Variants in POT1 observed in about 807,000 individuals in gnomAD.
The protein encoded by POT1 is protection of telomeres 1.
In POT1, 47 loss-of-function variants were observed where a neutral mutation model predicts 78.5. That is an observed-to-expected ratio of 0.60 (90% confidence interval 0.47 to 0.76). The LOEUF (loss-of-function observed/expected upper bound fraction) is 0.76. POT1 is among the 30% of genes least tolerant of loss of function. The pLI is 0.00. For missense variants in POT1, 646 were observed against 749.9 expected, an observed-to-expected ratio of 0.86 and a Z score of 1.62; for synonymous variants, 259 against 260.7, an observed-to-expected ratio of 0.99 and a Z score of 0.06.
At chr7:124,846,422 T>C (rs1440565265) in intron 12 of POT1, among the ~76,000 whole-genome samples, 5 of 152,124 alleles carry the variant, frequency 3.3e-5, no homozygotes, top group African/African-American at 1.2e-4. Flanking sequence ...TGGTTAAAAA[T>C]ATTTTTCTGA....
intron 6 of POT1, among the ~76,000 whole-genome samples, chr7:124,888,001 C>T (rs4319000): frequency 0.62 from 94,128 of 151,902 alleles, 29,493 homozygotes; most frequent in African/African-American, 0.71. Context: ...TATATATACA[C>T]CTCTGTATCA....
chr7:124,877,558 C>T (rs117096264), intron 6 of POT1, among the ~76,000 whole-genome samples: 2,747 of 151,766 alleles, frequency 0.018, 44 homozygotes, highest in Non-Finnish European at 0.027. Context: ...AGTAATCAAC[C>T]GGTCGTGGGG....
intron 3 of POT1, among the ~76,000 whole-genome samples, chr7:124,906,148 C>T (rs1173823719): frequency 6.6e-6 from 1 of 152,044 alleles, no homozygotes; most frequent in African/African-American, 2.4e-5. Context: ...GGTATATAGC[C>T]AAAGGATTAT....
At chr7:124,897,085 T>C in intron 5 of POT1, 80 bp downstream of exon 5, 1 of 813,980 alleles carries the variant, frequency 1.2e-6, no homozygotes, top group South Asian at 2.7e-5. Flanking sequence ...GTGGACTGAA[T>C]ATACATACAC....
intron 6 of POT1, among the ~76,000 whole-genome samples, chr7:124,880,015 A>G (rs1416907662): frequency 1.3e-5 from 2 of 152,080 alleles, no homozygotes; most frequent in Non-Finnish European, 1.5e-5. Context: ...CTGGATTCAT[A>G]AGCATATTCC....
intron 7 of POT1, among the ~76,000 whole-genome samples, chr7:124,865,126 T>G (rs1019564011): frequency 2.0e-5 from 3 of 152,174 alleles, no homozygotes; most frequent in Non-Finnish European, 4.4e-5. Flanking sequence ...ATATAAAACT[T>G]ACTTCTTTGT....
chr7:124,871,055 A>C lies in POT1; in HGVS notation c.125-14T>G. 1 of 1,558,138 alleles carries C rather than the reference A, an allele frequency of 6.4e-7. No individual in the cohort carries two copies. Among genetic ancestry groups the C allele is most frequent in the Non-Finnish European group, 8.7e-7 (1 of 1,151,778 alleles). The stretch of plus-strand genomic sequence containing the variant: ...CTGAGCAATAATCTGGAAAACACAA[A>C]AATATTTTACCTGACTTTCAATATT... On this transcript the variant is annotated splice_polypyrimidine_tract_variant and intron_variant, in intron 6 of 18. Coordinates refer to ENST00000357628, the MANE Select transcript of POT1 (RefSeq NM_015450.3).
At chr7:124,865,774 A>G (rs1795707951) in intron 7 of POT1, among the ~76,000 whole-genome samples, 1 of 151,826 alleles carries the variant, frequency 6.6e-6, no homozygotes. Flanking sequence ...TGGTGTAATA[A>G]TATTTCACTG....
intron 7 of POT1, among the ~76,000 whole-genome samples, chr7:124,865,252 T>C (rs1795692223): frequency 6.6e-6 from 1 of 152,136 alleles, no homozygotes; most frequent in Non-Finnish European, 1.5e-5. Flanking sequence ...TCTCAATGGT[T>C]TCACATTGAG....
At chr7:124,841,700 G>A (rs2116463738) in intron 13 of POT1, among the ~76,000 whole-genome samples, 1 of 152,046 alleles carries the variant, frequency 6.6e-6, no homozygotes, top group Non-Finnish European at 1.5e-5. Flanking sequence ...AAAGGTGTAT[G>A]GCTTTCTTCT....
chr7:124,824,148 C>T (rs1413873223), intron 18 of POT1, 74 bp from the exon 19 acceptor site: 1 of 820,966 alleles, frequency 1.2e-6, no homozygotes, highest in African/African-American at 1.8e-5. Context: ...GGTACCTAAG[C>T]TTACCACTGA....
In POT1 at chr7:124,822,896, A is replaced by T. The variant is rs145430924; in HGVS notation, c.*1066T>A. Reference sequence around the variant, plus strand: ...GAAAAACACACTGACTCCTCTTATAATCTATTTCCAATGTTATTTCAGATG... The same window carrying T: ...GAAAAACACACTGACTCCTCTTATATTCTATTTCCAATGTTATTTCAGATG... On this transcript the variant is annotated 3_prime_UTR_variant, in exon 19 of 19. Transcript: ENST00000357628. 53 of 176,654 alleles carry T rather than the reference A, an allele frequency of 3.0e-4. No homozygotes were observed. The highest frequency in any genetic ancestry group is 1.2e-3 in the African/African-American group (52 of 42,676). 10.9% of individuals were successfully genotyped at this position (176,654 alleles called of 1,614,324 possible). A position where few individuals can be genotyped will look rare whatever the true frequency, so the allele number is the denominator to read the frequency against.
chr7:124,889,524 A>G (rs1224975589), intron 6 of POT1, among the ~76,000 whole-genome samples: 1 of 152,066 alleles, frequency 6.6e-6, no homozygotes, highest in East Asian at 1.9e-4. Flanking sequence ...TAAACCAAAC[A>G]GTCTTCTCTT....
In POT1 at chr7:124,829,293, C is replaced by T. The variant is rs776873207; in HGVS notation, c.1555G>A (p.Val519Ile). The part of the protein sequence containing the change: ...LRSIQNLNSL[V>I]DKTSWIPSSV... ...GAAGGAATCCACGATGTTTTATCAA[C>T]CAGGGAATTTAGATTTTGTATGGAT... The change falls in exon 16 of 19, where the codon GTT becomes ATT. Residue 519 changes from valine (V) to isoleucine (I), a missense_variant. Physicochemically the swap from Val to Ile is conservative, Grantham distance 29. This residue lies in a region of POT1 where 394 missense variants were observed against 408.4 expected (regional missense o/e 0.96). Coordinates refer to ENST00000357628, the MANE Select transcript of POT1 (RefSeq NM_015450.3). 84 of 1,606,106 alleles carry T rather than the reference C, an allele frequency of 5.2e-5. No homozygotes were observed. Among genetic ancestry groups the T allele is most frequent in the Non-Finnish European group, 7.2e-5 (84 of 1,173,166 alleles).
At chr7:124,901,791 T>C (rs1347201091) in intron 3 of POT1, among the ~76,000 whole-genome samples, 2 of 152,124 alleles carry the variant, frequency 1.3e-5, no homozygotes, top group Admixed American at 6.6e-5. Flanking sequence ...GAAAACAGAT[T>C]AGACGAATGG....
At chr7:124,862,227 A>C (rs1284027051) in intron 8 of POT1, among the ~76,000 whole-genome samples, 1 of 152,186 alleles carries the variant, frequency 6.6e-6, no homozygotes, top group Non-Finnish European at 1.5e-5. Flanking sequence ...AGACTCAACT[A>C]TTTCAGCTAA....
chr7:124,899,252 C>A (rs1396669103), intron 3 of POT1, among the ~76,000 whole-genome samples: 1 of 152,158 alleles, frequency 6.6e-6, no homozygotes, highest in Non-Finnish European at 1.5e-5. Context: ...CAGGACTTGG[C>A]ACAAAGCAGG....
In POT1 at chr7:124,870,299, CTTTGTA is replaced by C. The variant is rs916980327; in HGVS notation, c.255+606_255+611del. Among the ~76,000 whole-genome samples the C allele has an allele frequency of 2.6e-4, 40 of 151,716 alleles. No homozygotes were observed. The East Asian group carries it at 3.9e-3, about 15-fold the overall frequency. The stretch of plus-strand genomic sequence containing the variant: ...TAATAATTTTGAGAAAATAATAATC[CTTTGTA>C]TTTGTAAGTTCTAAAATTTTTTTAA... On this transcript the variant is annotated intron_variant, in intron 7 of 18. Coordinates refer to ENST00000357628, the MANE Select transcript of POT1 (RefSeq NM_015450.3).
intron 2 of POT1, among the ~76,000 whole-genome samples, chr7:124,924,645 C>T (rs535039652): frequency 2.0e-5 from 3 of 151,998 alleles, no homozygotes; most frequent in East Asian, 1.9e-4. Context: ...GATATCAAAA[C>T]CAGACAAAGA....
Sources: gnomAD v4.1 joint callset for allele counts (sites outside exome capture counted in the v4.1 genomes callset) on GRCh38, gnomAD v4.1.1 for gene constraint, gnomAD v4.1.1 regional missense constraint, MANE v1.5 for transcripts, NCBI Gene and HGNC (gene_info 2026-07-23, HGNC 2026-07-21) for gene names.